TRPM3: variants seen among roughly 807,000 people sequenced by gnomAD.
The protein encoded by TRPM3 is transient receptor potential cation channel subfamily M member 3.
TRPM3 carries 77 observed loss-of-function variants against 181.2 expected under a neutral mutation model. The ratio of observed to expected loss-of-function variants is 0.42; its 90% CI spans 0.35 to 0.51. TRPM3 has a LOEUF of 0.51. Among genes scored for constraint, TRPM3 ranks in the 20% least tolerant of loss-of-function variants. The pLI, the probability that TRPM3 is intolerant of heterozygous loss-of-function variation, is 0.01. For synonymous variants in TRPM3, 745 were observed against 796.4 expected (o/e 0.94, Z 1.09); for missense variants, 1,759 against 2,196.7 (o/e 0.80, Z 3.98).
chr9:71,132,043 C>T (rs1284658216), intron 1 of TRPM3, among the ~76,000 whole-genome samples: 1 of 152,134 alleles, frequency 6.6e-6, no homozygotes, highest in Admixed American at 6.5e-5. Flanking sequence ...GACAGGAACA[C>T]TGAATTACCT....
At chr9:71,133,276 T>A (rs1248371775) in intron 1 of TRPM3, among the ~76,000 whole-genome samples, 2 of 144,874 alleles carry the variant, frequency 1.4e-5, no homozygotes, top group African/African-American at 4.9e-5. Flanking sequence ...CCATTTGTAA[T>A]TCTTCTAGCA....
intron 1 of TRPM3, among the ~76,000 whole-genome samples, chr9:70,924,403 G>C (rs933752584): frequency 2.0e-5 from 3 of 152,122 alleles, no homozygotes; most frequent in Middle Eastern, 3.4e-3. Context: ...ATTTAATGCT[G>C]TACAACAGTT....
chr9:70,561,505 G>A (rs1378695099), intron 22 of TRPM3, among the ~76,000 whole-genome samples: 3 of 152,248 alleles, frequency 2.0e-5, no homozygotes, highest in Admixed American at 6.5e-5. Context: ...CTTTCAGTAG[G>A]TGACTGCCAA....
At chr9:71,158,143 A>G (rs1033705949) in intron 1 of TRPM3, among the ~76,000 whole-genome samples, 1 of 152,172 alleles carries the variant, frequency 6.6e-6, no homozygotes, top group African/African-American at 2.4e-5. Flanking sequence ...TGCCAAGCAC[A>G]AAAAGAAAAG....
chr9:70,777,066 A>C (rs1169804057), intron 7 of TRPM3, among the ~76,000 whole-genome samples: 6 of 152,164 alleles, frequency 3.9e-5, no homozygotes, highest in African/African-American at 1.4e-4. Flanking sequence ...ACAAGTAGCC[A>C]AGAGTTAGCT....
At chr9:70,617,556 T>C (rs1486955033) in intron 17 of TRPM3, among the ~76,000 whole-genome samples, 1 of 152,146 alleles carries the variant, frequency 6.6e-6, no homozygotes, top group Non-Finnish European at 1.5e-5. Context: ...ACTGGAAATA[T>C]GCTAAGAGAG....
At chr9:70,901,768 AAGG>A (rs1402367468) in intron 1 of TRPM3, among the ~76,000 whole-genome samples, 2 of 152,188 alleles carry the variant, frequency 1.3e-5, no homozygotes, top group Admixed American at 1.3e-4. Context: ...AAAGAATAGA[AAGG>A]AGGCAGATTT....
At chr9:70,891,109 A>G (rs1364090634) in intron 1 of TRPM3, among the ~76,000 whole-genome samples, 14 of 152,214 alleles carry the variant, frequency 9.2e-5, no homozygotes, top group Admixed American at 9.2e-4. Context: ...AACATGGTAC[A>G]TGTATACATA....
chr9:70,604,293 C>T (rs1037054688), intron 19 of TRPM3, among the ~76,000 whole-genome samples: 1 of 152,110 alleles, frequency 6.6e-6, no homozygotes, highest in African/African-American at 2.4e-5. Context: ...GAGTGAAGTG[C>T]AGGGAAACTG....
At chr9:70,752,049 TGCGCGCGCGC>T (rs367694647) in intron 8 of TRPM3, among the ~76,000 whole-genome samples, 3 of 116,432 alleles carry the variant, frequency 2.6e-5, no homozygotes, top group East Asian at 3.0e-4. Flanking sequence ...TGTGTGTGTG[TGCGCGCGCGC>T]GCGCATACAC....
chr9:71,074,819 G>C (rs2063234683), intron 1 of TRPM3, among the ~76,000 whole-genome samples: 1 of 152,076 alleles, frequency 6.6e-6, no homozygotes, highest in South Asian at 2.1e-4. Flanking sequence ...AGGTCACTGT[G>C]TTCATTTAAG....
chr9:71,104,686 G>A (rs559575458), intron 1 of TRPM3, among the ~76,000 whole-genome samples: 42 of 152,078 alleles, frequency 2.8e-4, no homozygotes, highest in African/African-American at 8.9e-4. Context: ...AACTTTACCC[G>A]TTAAGTTTTT....
chr9:70,795,624 G>A (rs1328155), intron 6 of TRPM3, among the ~76,000 whole-genome samples: 26,199 of 152,078 alleles, frequency 0.17, 2,589 homozygotes, highest in South Asian at 0.28. Context: ...CGCCCCGAAC[G>A]TCTTCCCCCA....
At chr9:71,110,450 G>A (rs2070812333) in intron 1 of TRPM3, among the ~76,000 whole-genome samples, 1 of 152,176 alleles carries the variant, frequency 6.6e-6, no homozygotes, top group East Asian at 1.9e-4. Context: ...CTCCTTTGTT[G>A]TGTATTGTCT....
chr9:70,810,703 C>T (rs1392852273), intron 6 of TRPM3, among the ~76,000 whole-genome samples: 1 of 151,992 alleles, frequency 6.6e-6, no homozygotes, highest in Non-Finnish European at 1.5e-5. Flanking sequence ...ATAATGCTTC[C>T]ATGTGTAGGA....
chr9:71,068,369 T>G (rs916807842), intron 1 of TRPM3, among the ~76,000 whole-genome samples: 7 of 152,212 alleles, frequency 4.6e-5, no homozygotes, highest in African/African-American at 1.7e-4. Context: ...CTTCCTGCTT[T>G]CTGGCATCCA....
chr9:70,774,975 A>G (rs1302218150), intron 7 of TRPM3: 1 of 152,208 alleles, frequency 6.6e-6, no homozygotes, highest in African/African-American at 2.4e-5. Flanking sequence ...CTTTTATAGC[A>G]TGTGTTCACT....
chr9:70,910,941 C>T (rs2096531430), intron 1 of TRPM3, among the ~76,000 whole-genome samples: 1 of 152,134 alleles, frequency 6.6e-6, no homozygotes, highest in African/African-American at 2.4e-5. Context: ...AGTTCACATA[C>T]CTTGACTTCT....
intron 1 of TRPM3, among the ~76,000 whole-genome samples, chr9:70,950,135 G>C (rs916779726): frequency 1.3e-5 from 2 of 152,164 alleles, no homozygotes; most frequent in African/African-American, 4.8e-5. Flanking sequence ...AGTCTGTATA[G>C]TATTGCAATT....
Sources: gnomAD v4.1 joint callset for allele counts (sites outside exome capture counted in the v4.1 genomes callset) on GRCh38, gnomAD v4.1.1 for gene constraint, MANE v1.5 for transcripts, NCBI Gene and HGNC (gene_info 2026-07-23, HGNC 2026-07-21) for gene names.